Variants in FAM168B observed in about 807,000 individuals in gnomAD.
FAM168B encodes family with sequence similarity 168 member B.
In FAM168B, 19 loss-of-function variants were observed where a neutral mutation model predicts 21.8. The ratio of observed to expected loss-of-function variants is 0.87; its 90% CI spans 0.61 to 1.28. The LOEUF (loss-of-function observed/expected upper bound fraction) is 1.28. Ranked by LOEUF, FAM168B falls within the 50% of genes most tolerant of loss-of-function variation. FAM168B has a pLI of 0.00. For missense variants in FAM168B, 233 were observed against 263.1 expected (o/e 0.89, Z 0.79); for synonymous variants, 126 against 104.8 (o/e 1.20, Z -1.24).
intron 1 of FAM168B, among the ~76,000 whole-genome samples, chr2:131,082,913 A>AT (rs1193634719): frequency 1.3e-5 from 2 of 152,130 alleles, no homozygotes; most frequent in East Asian, 3.9e-4. Flanking sequence ...ATTGTTAGCT[A>AT]TATGTCCACT....
chr2:131,059,789 TA>T (rs973844188), intron 3 of FAM168B, among the ~76,000 whole-genome samples: 1 of 152,192 alleles, frequency 6.6e-6, no homozygotes. Context: ...TCAGTAGTGA[TA>T]AAAAAAATTT....
intron 2 of FAM168B, among the ~76,000 whole-genome samples, chr2:131,072,243 C>T (rs749501884): frequency 6.6e-6 from 1 of 152,064 alleles, no homozygotes; most frequent in Non-Finnish European, 1.5e-5. Flanking sequence ...CCTGCCTCAG[C>T]CTTCCGAAGA....
chr2:131,086,017 G>A (rs1182684304), intron 1 of FAM168B, among the ~76,000 whole-genome samples: 2 of 152,172 alleles, frequency 1.3e-5, no homozygotes, highest in Non-Finnish European at 2.9e-5. Context: ...AGAGTAGGGA[G>A]GAAACAAGTA....
intron 2 of FAM168B, among the ~76,000 whole-genome samples, chr2:131,075,315 C>CATA (rs1277246605): frequency 6.6e-6 from 1 of 151,490 alleles, no homozygotes; most frequent in Admixed American, 6.6e-5. Context: ...TGACCTAGAT[C>CATA]ATATCCTGTA....
chr2:131,084,094 G>A (rs1010029931), intron 1 of FAM168B, among the ~76,000 whole-genome samples: 1 of 151,686 alleles, frequency 6.6e-6, no homozygotes, highest in Non-Finnish European at 1.5e-5. Context: ...GTAGAGACGG[G>A]GTTTCACCAT....
At chr2:131,065,143 CAAA>C (rs983679085) in intron 3 of FAM168B, among the ~76,000 whole-genome samples, 1 of 151,910 alleles carries the variant, frequency 6.6e-6, no homozygotes. Flanking sequence ...CAAAAACAAA[CAAA>C]AAAAGAAGCA....
chr2:131,061,917 G>A (rs775671577), intron 3 of FAM168B, among the ~76,000 whole-genome samples: 14 of 152,110 alleles, frequency 9.2e-5, no homozygotes, highest in Non-Finnish European at 1.9e-4. Context: ...GCATAGGCTG[G>A]AAAAAAAGTT....
chr2:131,075,580 C>T (rs779276119), intron 2 of FAM168B, among the ~76,000 whole-genome samples: 17 of 151,904 alleles, frequency 1.1e-4, no homozygotes, highest in Non-Finnish European at 2.4e-4. Flanking sequence ...CTGCAAGCTC[C>T]GCCTCCTGGG....
intron 3 of FAM168B, among the ~76,000 whole-genome samples, chr2:131,065,438 A>G (rs1692503268): frequency 1.3e-5 from 2 of 152,134 alleles, no homozygotes; most frequent in African/African-American, 4.8e-5. Context: ...CCATGCATGA[A>G]GTTTAATTTT....
intron 1 of FAM168B, among the ~76,000 whole-genome samples, chr2:131,084,480 G>A (rs1693583648): frequency 6.6e-6 from 1 of 152,018 alleles, no homozygotes; most frequent in Non-Finnish European, 1.5e-5. Flanking sequence ...GACTACAGGT[G>A]TGTGCCACCA....
chr2:131,079,379 G>A (rs1693322194), intron 2 of FAM168B, among the ~76,000 whole-genome samples: 4 of 152,218 alleles, frequency 2.6e-5, no homozygotes, highest in African/African-American at 7.2e-5. Flanking sequence ...GGAGGCTGAG[G>A]CAGGAGAATC....
At chr2:131,069,486 TTC>T (rs1692746655) in intron 3 of FAM168B, among the ~76,000 whole-genome samples, 2 of 152,208 alleles carry the variant, frequency 1.3e-5, no homozygotes, top group South Asian at 4.1e-4. Flanking sequence ...TTACACAGGT[TTC>T]TTTCTCTTTT....
In FAM168B at chr2:131,050,126, C is replaced by T. The variant is rs1370547806; in HGVS notation, c.*2339G>A. 4 of 985,296 alleles carry T rather than the reference C, an allele frequency of 4.1e-6. No homozygotes were observed. The highest frequency in any genetic ancestry group is 6.2e-5 in the Admixed American group (1 of 16,258). 61.0% of individuals were successfully genotyped at this position (985,296 alleles called of 1,614,324 possible). A position where few individuals can be genotyped will look rare whatever the true frequency, so the allele number is the denominator to read the frequency against. On this transcript the variant is annotated 3_prime_UTR_variant, in exon 7 of 7. Coordinates refer to ENST00000389915, the MANE Select transcript of FAM168B (RefSeq NM_001009993.4). ...GTGTTTATGAAGCTGATGTAAATGG[C>T]GTGTGGGGGGTGCAGCCCACTCTTT...
chr2:131,058,760 T>C (rs1692152817), intron 3 of FAM168B, among the ~76,000 whole-genome samples: 1 of 152,206 alleles, frequency 6.6e-6, no homozygotes, highest in Non-Finnish European at 1.5e-5. Context: ...TCTCCTCGTC[T>C]TTAAGAAGGC....
In FAM168B at chr2:131,055,692, T is replaced by G; in HGVS notation, c.158A>C (p.Tyr53Ser). 1 of 1,613,462 alleles carries G rather than the reference T, an allele frequency of 6.2e-7. No individual in the cohort carries two copies. Among genetic ancestry groups the G allele is most frequent in the Non-Finnish European group, 8.5e-7 (1 of 1,179,754 alleles). ...CACTTTGTAAGGTGTGCCAGGAGTG[T>G]AACCTGGAACAAAGAAGGCAATGGC... ...PGANPTFQTG[Y>S]TPGTPYKVSC... Residue 53 changes from tyrosine to serine, a missense_variant, in exon 4 of 7, where the codon TAC becomes TCC. By Grantham distance (144) the Tyr-to-Ser change is moderately radical. Coordinates refer to ENST00000389915, the MANE Select transcript of FAM168B (RefSeq NM_001009993.4).
rs1481401298 is a variant in FAM168B, at chr2:131,080,686, T to C, written c.70+1891A>G. Among the ~76,000 whole-genome samples the C allele has an allele frequency of 1.1e-4, 17 of 150,344 alleles. No homozygotes were observed. In the Admixed American group the frequency reaches 1.1e-3, roughly 10 times the overall value. On this transcript the variant is annotated intron_variant, in intron 2 of 6. Coordinates refer to ENST00000389915, the MANE Select transcript of FAM168B (RefSeq NM_001009993.4). Reference sequence around the variant, plus strand: ...AAAGAATAGTAAAAGAATTTTTTTTTTGAGACAGAGTCTTGCTCTGTCGCC... The same window carrying C: ...AAAGAATAGTAAAAGAATTTTTTTTCTGAGACAGAGTCTTGCTCTGTCGCC...
chr2:131,073,870 G>A (rs1217784003), intron 2 of FAM168B, among the ~76,000 whole-genome samples: 3 of 152,320 alleles, frequency 2.0e-5, no homozygotes, highest in African/African-American at 4.8e-5. Flanking sequence ...CAGTCCACGT[G>A]CAAATAAGCT....
chr2:131,080,828 CCTGG>C (rs1034896997), intron 2 of FAM168B, among the ~76,000 whole-genome samples: 2 of 151,604 alleles, frequency 1.3e-5, no homozygotes, highest in African/African-American at 4.8e-5. Flanking sequence ...CGCCACCATG[CCTGG>C]CTAATTTTTT....
At position 131,052,942 on chromosome 2, in the gene FAM168B, T is replaced by C; in HGVS notation, c.549A>G (p.Pro183=). Residue 183 remains proline (P), a synonymous_variant, in exon 6 of 7, where the codon CCA becomes CCG. Transcript: ENST00000389915. ...GCACATAGCTGTAAGTGGGCGTTCCTGGGGCCCGGTACGTGGGCACAGTGA... is the reference window on the plus strand; with the variant it reads ...GCACATAGCTGTAAGTGGGCGTTCCCGGGGCCCGGTACGTGGGCACAGTGA... The part of the protein sequence containing the change: ...HPVTVPTYRA[P]GTPTYSYVPP... The C allele has an allele frequency of 1.9e-6, 3 of 1,563,760 alleles. No homozygotes were observed. The highest frequency in any genetic ancestry group is 2.6e-6 in the Non-Finnish European group (3 of 1,153,228).
Sources: gnomAD v4.1 joint callset for allele counts (sites outside exome capture counted in the v4.1 genomes callset) on GRCh38, gnomAD v4.1.1 for gene constraint, MANE v1.5 for transcripts, NCBI Gene and HGNC (gene_info 2026-07-23, HGNC 2026-07-21) for gene names.